The following PTPN12 variants were observed in gnomAD, a reference collection of about 807,000 sequenced individuals.
The protein encoded by PTPN12 is protein tyrosine phosphatase non-receptor type 12.
In PTPN12, 29 loss-of-function variants were observed where a neutral mutation model predicts 97.6. The ratio of observed to expected loss-of-function variants is 0.30; its 90% CI spans 0.22 to 0.41. PTPN12 has a LOEUF of 0.41. Among genes scored for constraint, PTPN12 ranks in the 10% least tolerant of loss-of-function variants. The pLI is 1.00. For missense variants in PTPN12, 819 were observed against 926.0 expected (o/e 0.88, Z 1.50); for synonymous variants, 327 against 300.4 (o/e 1.09, Z -0.91).
Position 77,626,657 on chromosome 7 carries a change from A to G in PTPN12, c.1026-48A>G, listed in dbSNP as rs547677621. 6 of 1,519,404 alleles carry G rather than the reference A, an allele frequency of 3.9e-6. No homozygotes were observed. In the South Asian group the frequency reaches 5.2e-5, roughly 13 times the overall value. The allele number at this position is 1,519,404 out of a possible 1,614,324, so 94.1% of individuals were successfully genotyped here. ...TTAGCTACATAATTCTCAGGTATCAACTTGTTTAACAGTCTTAAAATGCCC... is the reference window on the plus strand; with the variant it reads ...TTAGCTACATAATTCTCAGGTATCAGCTTGTTTAACAGTCTTAAAATGCCC... On this transcript the variant is annotated intron_variant, in intron 12 of 17. Coordinates refer to ENST00000248594, the MANE Select transcript of PTPN12 (RefSeq NM_002835.4).
In PTPN12 at chr7:77,627,006, C is replaced by T. The variant is rs367695741; in HGVS notation, c.1327C>T (p.Leu443Phe). Reference protein sequence around the residue: ...NLSFEIKKVPLQEGPKSFDGN... With the variant: ...NLSFEIKKVPFQEGPKSFDGN... ...AAGTTTTGAGATTAAGAAGGTCCCT[C>T]TCCAAGAGGGACCAAAAAGTTTTGA... The change falls in exon 13 of 18, where the codon CTC (leucine) becomes TTC (phenylalanine). Residue 443 changes from leucine (L) to phenylalanine (F), a missense_variant. Physicochemically the swap from Leu to Phe is conservative, Grantham distance 22. Transcript: ENST00000248594. 57 of 1,609,548 alleles carry T rather than the reference C, an allele frequency of 3.5e-5. No homozygotes were observed. The Middle Eastern group carries it at 5.0e-4, about 14-fold the overall frequency.
intron 4 of PTPN12, chr7:77,585,205 A>G (rs1011301733): frequency 2.5e-5 from 4 of 157,822 alleles, no homozygotes; most frequent in Non-Finnish European, 5.5e-5. Flanking sequence ...TTTTTAATTA[A>G]TAGTGCTATT....
At chr7:77,613,219 G>C (rs1008985755) in intron 11 of PTPN12, among the ~76,000 whole-genome samples, 8 of 110,600 alleles carry the variant, frequency 7.2e-5, no homozygotes, top group African/African-American at 2.9e-4. Flanking sequence ...CTGTTGCCCA[G>C]AATGGAGTGC....
In PTPN12 at chr7:77,639,148, G is replaced by C. The variant is rs189601782; in HGVS notation, c.2282-71G>C. On this transcript the variant is annotated intron_variant, in intron 17 of 17. Coordinates refer to ENST00000248594, the MANE Select transcript of PTPN12 (RefSeq NM_002835.4). Reference sequence around the variant, plus strand: ...TTTGTTCCAGAAAATGAGAATGTCTGTGGACATGGTTTTTAGTAGTTTGAA... The same window carrying C: ...TTTGTTCCAGAAAATGAGAATGTCTCTGGACATGGTTTTTAGTAGTTTGAA... The C allele has an allele frequency of 3.2e-5, 39 of 1,233,284 alleles. No individual in the cohort carries two copies. In the African/African-American group the frequency reaches 5.8e-4, roughly 18 times the overall value. The allele number at this position is 1,233,284 out of a possible 1,614,324, so 76.4% of individuals were successfully genotyped here.
At chr7:77,539,046 CATT>C (rs1395307724) in intron 1 of PTPN12, among the ~76,000 whole-genome samples, 2 of 152,174 alleles carry the variant, frequency 1.3e-5, no homozygotes, top group Non-Finnish European at 2.9e-5. Context: ...GGGCAGCAAA[CATT>C]GGCTAGTTTT....
intron 11 of PTPN12, among the ~76,000 whole-genome samples, chr7:77,616,404 A>G (rs1788752701): frequency 6.6e-6 from 1 of 152,192 alleles, no homozygotes. Context: ...AGTTAAAGAT[A>G]ATACCATGTC....
rs1261828799 is a variant in PTPN12, at chr7:77,627,040, C to T, written c.1361C>T (p.Thr454Ile). 1.2e-6 allele frequency: 2 copies of T among 1,612,528 alleles called. No individual in the cohort carries two copies. The highest frequency in any genetic ancestry group is 1.7e-6 in the Non-Finnish European group (2 of 1,179,304). Residue 454 changes from threonine to isoleucine, a missense_variant, in exon 13 of 18, where the codon ACA (threonine) becomes ATA (isoleucine). This residue lies in a region of PTPN12 where 607 missense variants were observed against 577.3 expected (regional missense o/e 1.05). Coordinates refer to ENST00000248594, the MANE Select transcript of PTPN12 (RefSeq NM_002835.4). Reference sequence around the variant, plus strand: ...GGACCAAAAAGTTTTGATGGGAACACACTTTTGAATAGGGGACATGCAATT... The same window carrying T: ...GGACCAAAAAGTTTTGATGGGAACATACTTTTGAATAGGGGACATGCAATT... ...QEGPKSFDGN[T>I]LLNRGHAIKI...
intron 1 of PTPN12, among the ~76,000 whole-genome samples, chr7:77,560,980 T>C (rs1397742222): frequency 6.6e-6 from 1 of 152,242 alleles, no homozygotes; most frequent in Non-Finnish European, 1.5e-5. Context: ...CCGTACTGTT[T>C]CCTATAGTAA....
At chr7:77,570,206 A>G (rs1458487251) in intron 1 of PTPN12, among the ~76,000 whole-genome samples, 35 of 152,216 alleles carry the variant, frequency 2.3e-4, no homozygotes, top group Admixed American at 2.3e-3. Context: ...TCAAAGAAAA[A>G]GAAAGGTTTA....
intron 1 of PTPN12, among the ~76,000 whole-genome samples, chr7:77,541,778 GC>G (rs1265123728): frequency 6.6e-6 from 1 of 152,092 alleles, no homozygotes; most frequent in Non-Finnish European, 1.5e-5. Context: ...CCTTGGTTGT[GC>G]CCCATACTGT....
chr7:77,547,883 GTATAA>G (rs1323712868), intron 1 of PTPN12, among the ~76,000 whole-genome samples: 2 of 152,184 alleles, frequency 1.3e-5, no homozygotes, highest in Admixed American at 1.3e-4. Context: ...GGGTCAGTGT[GTATAA>G]AATAAGAAAA....
At chr7:77,600,846 A>G (rs762725105) in intron 8 of PTPN12, 40 bp downstream of exon 8, 33 of 1,486,536 alleles carry the variant, frequency 2.2e-5, no homozygotes, top group Non-Finnish European at 2.9e-5. Context: ...ACATTATTTA[A>G]GTTTGATGTT....
At chr7:77,562,303 C>T (rs1808038888) in intron 1 of PTPN12, among the ~76,000 whole-genome samples, 1 of 152,182 alleles carries the variant, frequency 6.6e-6, no homozygotes, top group Non-Finnish European at 1.5e-5. Context: ...GATCCACCCA[C>T]CTCGGCCCCA....
At chr7:77,537,770 G>A in intron 1 of PTPN12, 125 bp downstream of exon 1, 3 of 1,018,662 alleles carry the variant, frequency 2.9e-6, no homozygotes, top group South Asian at 2.1e-5. Flanking sequence ...GCGCGCACCA[G>A]CCGGGTGAGC....
intron 1 of PTPN12, among the ~76,000 whole-genome samples, chr7:77,553,401 C>G (rs1387979194): frequency 6.6e-6 from 1 of 152,186 alleles, no homozygotes; most frequent in Non-Finnish European, 1.5e-5. Flanking sequence ...AAGTCTTCAA[C>G]TATAATAGTG....
At chr7:77,581,189 G>T (rs926141923) in intron 2 of PTPN12, among the ~76,000 whole-genome samples, 1 of 152,076 alleles carries the variant, frequency 6.6e-6, no homozygotes, top group Non-Finnish European at 1.5e-5. Flanking sequence ...TGGTTCTCCT[G>T]CCACAGCCTC....
At chr7:77,557,740 G>C (rs1222553363) in intron 1 of PTPN12, among the ~76,000 whole-genome samples, 3 of 152,082 alleles carry the variant, frequency 2.0e-5, no homozygotes, top group Non-Finnish European at 4.4e-5. Flanking sequence ...CATTTCAGTA[G>C]AAACATGGGC....
intron 13 of PTPN12, among the ~76,000 whole-genome samples, chr7:77,631,316 G>A (rs1003743257): frequency 6.6e-6 from 1 of 152,272 alleles, no homozygotes; most frequent in South Asian, 2.1e-4. Flanking sequence ...AATAAATGTA[G>A]GTGGGGCAAA....
At chr7:77,566,182 T>C (rs1044997478) in intron 1 of PTPN12, among the ~76,000 whole-genome samples, 1 of 152,164 alleles carries the variant, frequency 6.6e-6, no homozygotes, top group African/African-American at 2.4e-5. Flanking sequence ...CTAGTCATAG[T>C]GGTGGTGAGT....
Sources: allele counts gnomAD v4.1 joint callset (sites outside exome capture counted in the v4.1 genomes callset), GRCh38; gene constraint gnomAD v4.1.1; regional missense constraint gnomAD v4.1.1; transcripts MANE v1.5; gene names NCBI Gene and HGNC (gene_info 2026-07-23, HGNC 2026-07-21).